The following SLC2A9 variants were observed in gnomAD, a reference collection of about 807,000 sequenced individuals.
SLC2A9 encodes the protein solute carrier family 2 member 9.
A neutral mutation model predicts 50.6 loss-of-function variants in SLC2A9; 39 were observed. The observed-to-expected ratio is 0.77, with a 90% CI of 0.60 to 1.01. The LOEUF (loss-of-function observed/expected upper bound fraction) is 1.01, where lower values mean the gene tolerates loss of function less well. SLC2A9 is among the 50% of genes least tolerant of loss of function. The pLI is 0.00. For missense variants in SLC2A9, 686 were observed against 677.6 expected (o/e 1.01, Z -0.14); for synonymous variants, 324 against 276.9 (o/e 1.17, Z -1.69).
At chr4:9,815,796 G>A (rs892094906) in intron 3 of SLC2A9, among the ~76,000 whole-genome samples, 1 of 152,226 alleles carries the variant, frequency 6.6e-6, no homozygotes, top group Admixed American at 6.5e-5. Flanking sequence ...CAGCCAAGGT[G>A]TCTAAGCAAG....
At chr4:9,781,818 C>A (rs371572831) in intron 3 of SLC2A9, 2 of 437,092 alleles carry the variant, frequency 4.6e-6, no homozygotes, top group South Asian at 8.3e-5. Flanking sequence ...ACTGGAGGGG[C>A]GCACCACGGC....
intron 6 of SLC2A9, among the ~76,000 whole-genome samples, chr4:9,938,888 C>A (rs1747621315): frequency 6.6e-6 from 1 of 152,178 alleles, no homozygotes; most frequent in African/African-American, 2.4e-5. Flanking sequence ...GCCTGGGACT[C>A]ATTCCCTGCC....
chr4:9,954,895 A>G (rs1381450112), intron 5 of SLC2A9, among the ~76,000 whole-genome samples: 1 of 152,162 alleles, frequency 6.6e-6, no homozygotes, highest in Non-Finnish European at 1.5e-5. Flanking sequence ...CAGTCTCCCA[A>G]TAGAAAAAAA....
intron 5 of SLC2A9, among the ~76,000 whole-genome samples, chr4:9,966,873 A>G (rs1044365114): frequency 2.6e-5 from 4 of 152,180 alleles, no homozygotes; most frequent in African/African-American, 9.7e-5. Flanking sequence ...TTTTGCACAC[A>G]TTAAAATCAT....
At chr4:9,947,764 G>A (rs1231248262) in intron 5 of SLC2A9, among the ~76,000 whole-genome samples, 1 of 151,792 alleles carries the variant, frequency 6.6e-6, no homozygotes, top group African/African-American at 2.4e-5. Flanking sequence ...CAGACAACTA[G>A]GGAACAGCCC....
chr4:9,936,288 C>A (rs1411927816), intron 6 of SLC2A9, among the ~76,000 whole-genome samples: 1 of 152,180 alleles, frequency 6.6e-6, no homozygotes, highest in African/African-American at 2.4e-5. Flanking sequence ...ATGATCATTT[C>A]TCTGGGCCCT....
chr4:10,034,035 C>A (rs976824268), intron 1 of SLC2A9, among the ~76,000 whole-genome samples: 5 of 152,236 alleles, frequency 3.3e-5, no homozygotes, highest in African/African-American at 4.8e-5. Context: ...ACCCCCAGCA[C>A]CCACCAATCT....
downstream of SLC2A9, among the ~76,000 whole-genome samples, chr4:9,824,309 T>A (rs1418294676): frequency 3.4e-5 from 5 of 148,226 alleles, no homozygotes; most frequent in Non-Finnish European, 3.0e-5. Flanking sequence ...TCCAGAACAG[T>A]AAAAAAAAAA....
At chr4:9,906,140 C>T (rs1279968533) in intron 8 of SLC2A9, among the ~76,000 whole-genome samples, 1 of 152,182 alleles carries the variant, frequency 6.6e-6, no homozygotes, top group Non-Finnish European at 1.5e-5. Flanking sequence ...CAATCCTCAG[C>T]CCATCCCTAT....
intron 10 of SLC2A9, among the ~76,000 whole-genome samples, chr4:9,856,059 G>C (rs1730666669): frequency 6.6e-6 from 1 of 152,200 alleles, no homozygotes; most frequent in South Asian, 2.1e-4. Context: ...CCCTGGCACA[G>C]ATTTTATGAC....
intron 11 of SLC2A9, among the ~76,000 whole-genome samples, chr4:9,830,162 A>C (rs1725831989): frequency 6.6e-6 from 1 of 152,260 alleles, no homozygotes; most frequent in African/African-American, 2.4e-5. Flanking sequence ...GCACATATAC[A>C]CCATGGAATA....
chr4:9,872,195 T>G (rs1208760504), intron 10 of SLC2A9, among the ~76,000 whole-genome samples: 1 of 152,192 alleles, frequency 6.6e-6, no homozygotes, highest in Non-Finnish European at 1.5e-5. Flanking sequence ...GGACAGGGAC[T>G]TGTCCAACTT....
At chr4:9,927,552 C>T (rs916606273) in intron 6 of SLC2A9, among the ~76,000 whole-genome samples, 1 of 152,222 alleles carries the variant, frequency 6.6e-6, no homozygotes, top group African/African-American at 2.4e-5. Flanking sequence ...TTCTCCCTTA[C>T]ACAGGGCAGG....
Position 9,832,649 on chromosome 4 carries a change from G to A in SLC2A9, c.1419+2232C>T, listed in dbSNP as rs78548219. Among the ~76,000 whole-genome samples, 99 of 152,336 alleles carry A rather than the reference G, an allele frequency of 6.5e-4. 1 individual carries two copies. In the East Asian group the frequency reaches 0.014, roughly 22 times the overall value. ...AAAGGCTCATAAATGACAGGCAAGA[G>A]AAGCAAGAACAAAACAAAGAATTGA... is the stretch of plus-strand genomic sequence containing the variant. On this transcript the variant is annotated intron_variant, in intron 11 of 11. Transcript: ENST00000264784.
chr4:9,880,544 G>C (rs1312410990), intron 10 of SLC2A9: 9 of 984,640 alleles, frequency 9.1e-6, no homozygotes, highest in Non-Finnish European at 1.1e-5. Context: ...GGAGGGCTTA[G>C]GAAAAAAAAA....
At chr4:10,026,441 C>T (rs1246245896), upstream of SLC2A9, among the ~76,000 whole-genome samples, 5 of 152,126 alleles carry the variant, frequency 3.3e-5, no homozygotes, top group African/African-American at 1.2e-4. Context: ...GGTTTAGCTA[C>T]TGTGGGAAAA....
rs181417171 is a variant in SLC2A9 at position 9,842,174 on chromosome 4, G to T, written c.1292-7166C>A. ...TTCCTGCTCATTTTCTTAGGTATTTGCAGGAGGAAGGTTCTGTAACAAGTC... is the reference window on the plus strand; with the variant it reads ...TTCCTGCTCATTTTCTTAGGTATTTTCAGGAGGAAGGTTCTGTAACAAGTC... On this transcript the variant is annotated intron_variant, in intron 10 of 11. Coordinates refer to ENST00000264784, the MANE Select transcript of SLC2A9 (RefSeq NM_020041.3). Among the ~76,000 whole-genome samples the T allele has an allele frequency of 9.6e-4, 146 of 152,018 alleles. No homozygotes were observed. In the East Asian group the frequency reaches 0.027, roughly 28 times the overall value.
chr4:9,953,441 C>T (rs1276386957), intron 5 of SLC2A9, among the ~76,000 whole-genome samples: 2 of 152,248 alleles, frequency 1.3e-5, no homozygotes, highest in Non-Finnish European at 2.9e-5. Context: ...TTTGAGTCCT[C>T]TCCTCACTGC....
At position 10,026,784 on chromosome 4, in the gene SLC2A9, C is replaced by G. The variant is rs140176097; in HGVS notation, c.-40-778G>C. On this transcript the variant is annotated intron_variant, in intron 1 of 12. Coordinates refer to the SLC2A9 transcript ENST00000309065. ...ACAGGCCGGGCATGGTGGCTCATGC[C>G]TGTAATCCCAGCACGTGGGGAGGCC... is the stretch of plus-strand genomic sequence containing the variant. 7.9e-3 allele frequency among the ~76,000 whole-genome samples: 1,209 copies of G among 152,290 alleles called. 40 individuals carry two copies. Among genetic ancestry groups the G allele is most frequent in the East Asian group, 0.075 (386 of 5,174 alleles).
Sources: gnomAD v4.1 joint callset for allele counts (sites outside exome capture counted in the v4.1 genomes callset) on GRCh38, gnomAD v4.1.1 for gene constraint, MANE v1.5 for transcripts, NCBI Gene and HGNC (gene_info 2026-07-23, HGNC 2026-07-21) for gene names.